Variants in RNGTT observed in about 807,000 individuals in gnomAD.
RNGTT encodes mRNA-capping enzyme.
RNGTT carries 33 observed loss-of-function variants against 79.3 expected under a neutral mutation model. That is an observed-to-expected ratio of 0.42 (90% CI 0.32 to 0.56). RNGTT has a LOEUF of 0.56. Ranked by LOEUF, RNGTT falls within the 20% of genes least tolerant of loss-of-function variation. The pLI is 0.17. For missense variants in RNGTT, 497 were observed against 739.1 expected, an observed-to-expected ratio of 0.67 and a Z score of 3.80; for synonymous variants, 222 against 235.9, an observed-to-expected ratio of 0.94 and a Z score of 0.54.
intron 12 of RNGTT, among the ~76,000 whole-genome samples, chr6:88,784,107 A>T (rs1239380904): frequency 2.6e-5 from 4 of 152,226 alleles, no homozygotes; most frequent in African/African-American, 9.6e-5. Flanking sequence ...AGATAAAAAC[A>T]AATTTCCCAG....
intron 11 of RNGTT, among the ~76,000 whole-genome samples, chr6:88,833,332 C>G (rs983443210): frequency 2.0e-5 from 3 of 152,070 alleles, no homozygotes; most frequent in Non-Finnish European, 4.4e-5. Context: ...AAACAGAAAA[C>G]CAAACACTGC....
chr6:88,839,643 A>G (rs557144021), intron 11 of RNGTT, among the ~76,000 whole-genome samples: 1 of 152,310 alleles, frequency 6.6e-6, no homozygotes, highest in Admixed American at 6.5e-5. Context: ...TTATTGCTAA[A>G]GAAATTCTGG....
intron 11 of RNGTT, among the ~76,000 whole-genome samples, chr6:88,842,114 TA>T: frequency 6.6e-6 from 1 of 152,032 alleles, no homozygotes. Context: ...AGACAAATTA[TA>T]AAACAAGGAA....
chr6:88,658,854 T>C (rs1774078411), intron 14 of RNGTT, among the ~76,000 whole-genome samples: 1 of 152,242 alleles, frequency 6.6e-6, no homozygotes, highest in South Asian at 2.1e-4. Context: ...TTTAGACTCT[T>C]GGACTTACAC....
chr6:88,677,643 T>C (rs576651825), intron 14 of RNGTT, among the ~76,000 whole-genome samples: 24 of 152,058 alleles, frequency 1.6e-4, no homozygotes, highest in Admixed American at 7.9e-4. Flanking sequence ...TTTACTATTT[T>C]GTAGAGATGA....
chr6:88,647,875 A>T (rs1773640437), intron 14 of RNGTT, among the ~76,000 whole-genome samples: 1 of 151,718 alleles, frequency 6.6e-6, no homozygotes, highest in East Asian at 1.9e-4. Context: ...GCTTGATTTT[A>T]AACTCTTAAG....
chr6:88,695,913 T>C (rs1775644065), intron 13 of RNGTT, among the ~76,000 whole-genome samples: 1 of 152,208 alleles, frequency 6.6e-6, no homozygotes, highest in Non-Finnish European at 1.5e-5. Context: ...AGACAAATAC[T>C]GCATGATGTT....
chr6:88,665,817 G>C (rs1226079685), intron 14 of RNGTT, among the ~76,000 whole-genome samples: 1 of 152,216 alleles, frequency 6.6e-6, no homozygotes, highest in Non-Finnish European at 1.5e-5. Flanking sequence ...ACAACCTCCT[G>C]CTGGGACGCC....
chr6:88,687,972 G>A (rs1183104631), intron 13 of RNGTT, among the ~76,000 whole-genome samples: 1 of 152,008 alleles, frequency 6.6e-6, no homozygotes, highest in East Asian at 1.9e-4. Flanking sequence ...TATGTTGAGA[G>A]AACCTAAAAA....
chr6:88,777,810 A>T (rs1252351542), intron 12 of RNGTT, among the ~76,000 whole-genome samples: 1 of 152,058 alleles, frequency 6.6e-6, no homozygotes, highest in Non-Finnish European at 1.5e-5. Flanking sequence ...GATTGCTCTT[A>T]CTAGTAGCTC....
chr6:88,770,925 A>C (rs1225361217), intron 12 of RNGTT, among the ~76,000 whole-genome samples: 1 of 152,030 alleles, frequency 6.6e-6, no homozygotes, highest in Non-Finnish European at 1.5e-5. Flanking sequence ...TGTCTGTTCA[A>C]ATCTTTTACT....
intron 13 of RNGTT, among the ~76,000 whole-genome samples, chr6:88,741,293 C>G (rs542395880): frequency 4.6e-5 from 7 of 152,256 alleles, no homozygotes; most frequent in Non-Finnish European, 1.0e-4. Context: ...ATGTCCTTTG[C>G]AGCGACATGG....
intron 13 of RNGTT, among the ~76,000 whole-genome samples, chr6:88,766,931 C>T (rs570205457): frequency 1.3e-5 from 2 of 152,202 alleles, no homozygotes; most frequent in East Asian, 3.9e-4. Context: ...AGCTACTCCC[C>T]TTTCGAACTA....
At chr6:88,651,110 TAAA>T (rs555706218) in intron 14 of RNGTT, among the ~76,000 whole-genome samples, 2 of 148,508 alleles carry the variant, frequency 1.3e-5, no homozygotes, top group African/African-American at 4.9e-5. Context: ...CTTTTTATGT[TAAA>T]AAAAAAACAA....
chr6:88,684,769 C>T (rs1775215043), intron 13 of RNGTT, among the ~76,000 whole-genome samples: 1 of 151,924 alleles, frequency 6.6e-6, no homozygotes. Context: ...TTAATGCAAA[C>T]TACAGACTTT....
chr6:88,957,174 A>C (rs2127966567), intron 1 of RNGTT, among the ~76,000 whole-genome samples: 1 of 152,362 alleles, frequency 6.6e-6, no homozygotes, highest in African/African-American at 2.4e-5. Flanking sequence ...ACCTTCAGCA[A>C]AACTGGCACA....
intron 14 of RNGTT, among the ~76,000 whole-genome samples, chr6:88,647,092 C>T (rs113992858): frequency 2.6e-5 from 4 of 151,886 alleles, no homozygotes; most frequent in Non-Finnish European, 5.9e-5. Context: ...CCATTGAGGC[C>T]GGGGACCATC....
At chr6:88,617,062 G>T (rs768281785) in intron 14 of RNGTT, among the ~76,000 whole-genome samples, 24 of 152,212 alleles carry the variant, frequency 1.6e-4, no homozygotes, top group Non-Finnish European at 2.2e-4. Context: ...CATGAGGTCA[G>T]ATCGAGACCA....
Position 88,824,899 on chromosome 6 carries a change from C to T in RNGTT, c.1269+19458G>A, listed in dbSNP as rs150523970. On this transcript the variant is annotated intron_variant, in intron 11 of 15. Transcript: ENST00000369485. Reference sequence around the variant, plus strand: ...CTGGGATTATAGGCGTCCACCACCACGCCCAGCTAATTTTTGTATTTTTAG... The same window carrying T: ...CTGGGATTATAGGCGTCCACCACCATGCCCAGCTAATTTTTGTATTTTTAG... 1.2e-3 allele frequency among the ~76,000 whole-genome samples: 181 copies of T among 152,072 alleles called. 1 individual carries two copies. Among genetic ancestry groups the T allele is most frequent in the African/African-American group, 3.8e-3 (156 of 41,514 alleles).
Sources: allele counts gnomAD v4.1 joint callset (sites outside exome capture counted in the v4.1 genomes callset), GRCh38; gene constraint gnomAD v4.1.1; transcripts MANE v1.5; gene names NCBI Gene and HGNC (gene_info 2026-07-23, HGNC 2026-07-21).